Variants in SUPT16H observed in about 807,000 individuals in gnomAD.
SUPT16H encodes the protein SPT16 homolog, facilitates chromatin remodeling subunit.
Under a neutral mutation model 136.2 loss-of-function variants are expected in SUPT16H, and 24 were observed. The observed-to-expected ratio is 0.18, with a 90% CI of 0.13 to 0.25. SUPT16H has a LOEUF of 0.25. SUPT16H is among the 10% of genes least tolerant of loss of function. The pLI is 1.00. For synonymous variants in SUPT16H, 415 were observed against 428.2 expected, an observed-to-expected ratio of 0.97 and a Z score of 0.38; for missense variants, 623 against 1,270.2, an observed-to-expected ratio of 0.49 and a Z score of 7.74.
intron 25 of SUPT16H, 69 bp downstream of exon 25, chr14:21,353,419 C>T: frequency 6.6e-7 from 1 of 1,507,396 alleles, no homozygotes; most frequent in Non-Finnish European, 9.2e-7. Flanking sequence ...ACTAACACCT[C>T]AAAATATTGA....
At chr14:21,376,065 C>T (rs1886895367) in intron 1 of SUPT16H, among the ~76,000 whole-genome samples, 1 of 152,226 alleles carries the variant, frequency 6.6e-6, no homozygotes, top group Non-Finnish European at 1.5e-5. Flanking sequence ...ACTAACCCAA[C>T]TTCATTCTTT....
At chr14:21,380,312 T>TTTTTTTTTTTA (rs1555311137) in intron 1 of SUPT16H, among the ~76,000 whole-genome samples, 2 of 149,822 alleles carry the variant, frequency 1.3e-5, no homozygotes, top group South Asian at 4.3e-4. Flanking sequence ...TTTTTTTTTT[T>TTTTTTTTTTTA]AAAGAAATGG....
intron 22 of SUPT16H, among the ~76,000 whole-genome samples, chr14:21,355,273 TCAC>T (rs1375728534): frequency 6.6e-6 from 1 of 152,032 alleles, no homozygotes; most frequent in African/African-American, 2.4e-5. Flanking sequence ...GGCAGGCGGA[TCAC>T]GAGGTCAGGA....
intron 6 of SUPT16H, 46 bp from the exon 7 acceptor site, chr14:21,368,487 A>G (rs1886718802): frequency 1.3e-6 from 2 of 1,560,552 alleles, no homozygotes; most frequent in Non-Finnish European, 8.7e-7. Context: ...CAAAACTAGC[A>G]AAGTCCTTGG....
At chr14:21,367,553 C>G (rs1214307042) in intron 7 of SUPT16H, among the ~76,000 whole-genome samples, 1 of 152,080 alleles carries the variant, frequency 6.6e-6, no homozygotes, top group Non-Finnish European at 1.5e-5. Flanking sequence ...TTCTTAAGAC[C>G]GACTTAGAGA....
chr14:21,357,832 A>C (rs1886467271), intron 21 of SUPT16H, 95 bp downstream of exon 21: 1 of 1,261,818 alleles, frequency 7.9e-7, no homozygotes, highest in Non-Finnish European at 1.1e-6. Flanking sequence ...AGTAAATATC[A>C]AAAATGAAAA....
At chr14:21,378,428 G>A (rs1256255073) in intron 1 of SUPT16H, among the ~76,000 whole-genome samples, 2 of 152,144 alleles carry the variant, frequency 1.3e-5, no homozygotes, top group South Asian at 4.1e-4. Context: ...CATAAACAAT[G>A]TAAATAGTAA....
intron 7 of SUPT16H, among the ~76,000 whole-genome samples, chr14:21,366,996 AG>A (rs1459742614): frequency 6.6e-6 from 1 of 151,950 alleles, no homozygotes; most frequent in African/African-American, 2.4e-5. Flanking sequence ...GCTGGAGTGC[AG>A]TGGCGTGATC....
intron 1 of SUPT16H, chr14:21,383,358 ATTTC>A: frequency 2.1e-6 from 1 of 467,900 alleles, no homozygotes; most frequent in Non-Finnish European, 3.8e-6. Context: ...CGTGAGCAGT[ATTTC>A]TTTTTTTAAC....
At chr14:21,360,720 G>A in intron 17 of SUPT16H, 126 bp downstream of exon 17, 1 of 1,388,492 alleles carries the variant, frequency 7.2e-7, no homozygotes, top group Non-Finnish European at 9.9e-7. Context: ...TACTTTATTA[G>A]CACCATGCTT....
chr14:21,370,215 G>T, intron 4 of SUPT16H, 121 bp downstream of exon 4: 1 of 1,307,454 alleles, frequency 7.6e-7, no homozygotes, highest in Non-Finnish European at 1.0e-6. Context: ...AGCCAAAGGG[G>T]ATAAAATGTA....
intron 24 of SUPT16H, 35 bp from the exon 25 acceptor site, chr14:21,353,600 C>T (rs376731390): frequency 8.0e-5 from 128 of 1,609,674 alleles, no homozygotes; most frequent in Non-Finnish European, 1.1e-4. Flanking sequence ...AGTCATCATG[C>T]GGGAACAGAA....
intron 8 of SUPT16H, among the ~76,000 whole-genome samples, chr14:21,365,963 T>C (rs926662238): frequency 2.6e-5 from 4 of 151,784 alleles, no homozygotes; most frequent in African/African-American, 9.7e-5. Flanking sequence ...ATGAGCTGGG[T>C]GTGGTGGCAC....
intron 10 of SUPT16H, among the ~76,000 whole-genome samples, chr14:21,364,016 T>G (rs1663765628): frequency 6.6e-6 from 1 of 152,198 alleles, no homozygotes; most frequent in Admixed American, 6.5e-5. Flanking sequence ...GGGTAATCAC[T>G]AATACAGGTT....
intron 1 of SUPT16H, among the ~76,000 whole-genome samples, chr14:21,377,194 T>C (rs1000683368): frequency 6.6e-6 from 1 of 150,420 alleles, no homozygotes; most frequent in South Asian, 2.1e-4. Flanking sequence ...GGGACCAAAA[T>C]GATCAAATAA....
chr14:21,357,893 A>G, intron 21 of SUPT16H, 34 bp downstream of exon 21: 1 of 1,592,678 alleles, frequency 6.3e-7, no homozygotes, highest in Non-Finnish European at 8.6e-7. Flanking sequence ...TTCTCTAACA[A>G]TTTTCTTACT....
chr14:21,371,401 T>C (rs1355030077), intron 3 of SUPT16H, among the ~76,000 whole-genome samples: 2 of 152,252 alleles, frequency 1.3e-5, no homozygotes, highest in South Asian at 2.1e-4. Flanking sequence ...TACGGGTGTG[T>C]GCCACCACGT....
At chr14:21,353,004 CCT>C (rs1886354178) in intron 25 of SUPT16H, among the ~76,000 whole-genome samples, 186 bp from the exon 26 acceptor site, 1 of 152,092 alleles carries the variant, frequency 6.6e-6, no homozygotes, top group Non-Finnish European at 1.5e-5. Context: ...AATAAGGTAA[CCT>C]ATGAAAACTA....
rs1432988431 is a variant in SUPT16H, at chr14:21,383,908, T to A, written c.20A>T (p.Lys7Ile). 1 of 1,612,862 alleles carries A rather than the reference T, an allele frequency of 6.2e-7. No individual in the cohort carries two copies. The highest frequency in any genetic ancestry group is 1.7e-5 in the Admixed American group (1 of 60,022). The change falls in exon 1 of 26, where the codon AAA (lysine) becomes ATA (isoleucine). Residue 7 changes from lysine to isoleucine, a missense_variant. By Grantham distance (102) the Lys-to-Ile change is moderately radical. This residue lies in a region of SUPT16H where 343 missense variants were observed against 525.7 expected (regional missense o/e 0.65). Transcript: ENST00000216297. ...CTTCACTCGCCGATAATAAGCGTCT[T>A]TGTCCAGAGTCACAGCCATAGCCCC... MAVTLD[K>I]DAYYRRVKRL...
Sources: gnomAD v4.1 joint callset for allele counts (sites outside exome capture counted in the v4.1 genomes callset) on GRCh38, gnomAD v4.1.1 for gene constraint, gnomAD v4.1.1 regional missense constraint, MANE v1.5 for transcripts, NCBI Gene and HGNC (gene_info 2026-07-23, HGNC 2026-07-21) for gene names.